KCNH7: variants seen among roughly 807,000 people sequenced by gnomAD.
The protein encoded by KCNH7 is voltage-gated inwardly rectifying potassium channel KCNH7.
A neutral mutation model predicts 120.8 loss-of-function variants in KCNH7; 49 were observed. The observed-to-expected ratio is 0.41, with a 90% CI of 0.32 to 0.51. KCNH7 has a LOEUF of 0.51. KCNH7 is among the 20% of genes least tolerant of loss of function. KCNH7 has a pLI of 0.38. For missense variants in KCNH7, 1,097 were observed against 1,446.6 expected (o/e 0.76, Z 3.92); for synonymous variants, 547 against 516.1 (o/e 1.06, Z -0.81).
intron 2 of KCNH7, among the ~76,000 whole-genome samples, chr2:162,592,435 A>C (rs1339796256): frequency 6.6e-6 from 1 of 152,016 alleles, no homozygotes; most frequent in Non-Finnish European, 1.5e-5. Context: ...GGGCACACTT[A>C]TTTTATGAGG....
At chr2:162,529,525 TG>T (rs1482820593) in intron 3 of KCNH7, among the ~76,000 whole-genome samples, 4 of 151,942 alleles carry the variant, frequency 2.6e-5, no homozygotes, top group African/African-American at 7.2e-5. Flanking sequence ...AGAAGACATA[TG>T]AAATTCAAAT....
chr2:162,759,486 G>T (rs1574351429), intron 2 of KCNH7, among the ~76,000 whole-genome samples: 3 of 152,052 alleles, frequency 2.0e-5, no homozygotes, highest in East Asian at 1.9e-4. Flanking sequence ...ACCCTGTCAA[G>T]GTTTCTCAGC....
chr2:162,403,941 G>C (rs1687134732), intron 9 of KCNH7, among the ~76,000 whole-genome samples: 1 of 151,926 alleles, frequency 6.6e-6, no homozygotes, highest in African/African-American at 2.4e-5. Context: ...ATAAGAGGTA[G>C]GCTTAAGAAG....
At chr2:162,459,812 G>C (rs940897659) in intron 6 of KCNH7, among the ~76,000 whole-genome samples, 1 of 152,066 alleles carries the variant, frequency 6.6e-6, no homozygotes, top group African/African-American at 2.4e-5. Flanking sequence ...GAAATGCAAA[G>C]AGGCCGGGCG....
chr2:162,441,558 C>A (rs1445922788), intron 7 of KCNH7, among the ~76,000 whole-genome samples: 2 of 152,036 alleles, frequency 1.3e-5, no homozygotes, highest in African/African-American at 4.8e-5. Context: ...TTGCAAGAAT[C>A]CTAATTTTCT....
At position 162,722,813 on chromosome 2, in the gene KCNH7, C is replaced by CTTTCTTTT. The variant is rs1220971256; in HGVS notation, c.307+113723_307+113724insAAAAGAAA. On this transcript the variant is annotated intron_variant, in intron 2 of 15. Coordinates refer to ENST00000332142, the MANE Select transcript of KCNH7 (RefSeq NM_033272.4). ...AATCCTTTTCATTCATTCTTTTTTT[C>CTTTCTTTT]TTTTTTTTTTTTTTTTTTGCTTCTC... Among the ~76,000 whole-genome samples the CTTTCTTTT allele has an allele frequency of 4.3e-4, 37 of 85,108 alleles. 1 individual carries two copies. Among genetic ancestry groups the CTTTCTTTT allele is most frequent in the Middle Eastern group, 7.0e-3 (1 of 142 alleles). The allele number at this position is 85,108 out of a possible 152,430, so 55.8% of individuals were successfully genotyped here.
intron 2 of KCNH7, among the ~76,000 whole-genome samples, chr2:162,800,784 T>C (rs986763384): frequency 1.3e-5 from 2 of 151,956 alleles, no homozygotes; most frequent in Admixed American, 1.3e-4. Context: ...GCCAATGTGC[T>C]AGGCCTTTGA....
intron 2 of KCNH7, among the ~76,000 whole-genome samples, chr2:162,809,773 G>A (rs6753937): frequency 0.036 from 5,542 of 152,020 alleles, 314 homozygotes; most frequent in African/African-American, 0.12. Context: ...CAAATTTTCC[G>A]TATTACTGAT....
intron 5 of KCNH7, among the ~76,000 whole-genome samples, chr2:162,510,458 T>A (rs564042999): frequency 6.6e-6 from 1 of 151,594 alleles, no homozygotes; most frequent in African/African-American, 2.4e-5. Flanking sequence ...TAACACGGAC[T>A]TCCCGAGAAA....
chr2:162,787,674 C>A (rs1238773093), intron 2 of KCNH7, among the ~76,000 whole-genome samples: 3 of 152,216 alleles, frequency 2.0e-5, no homozygotes, highest in Non-Finnish European at 4.4e-5. Flanking sequence ...TGGCCCAGGA[C>A]CAGCCCGGCC....
intron 6 of KCNH7, among the ~76,000 whole-genome samples, chr2:162,457,950 G>A (rs1161361833): frequency 1.3e-5 from 2 of 152,098 alleles, no homozygotes; most frequent in African/African-American, 4.8e-5. Context: ...CAAATTATAA[G>A]ATGGAAAAGC....
At chr2:162,555,619 T>G (rs1177359660) in intron 2 of KCNH7, among the ~76,000 whole-genome samples, 3 of 152,192 alleles carry the variant, frequency 2.0e-5, no homozygotes, top group African/African-American at 7.2e-5. Context: ...AAGCTTAGTA[T>G]TAATGTAGAC....
At chr2:162,469,849 G>GGC (rs1035443377) in intron 6 of KCNH7, among the ~76,000 whole-genome samples, 1 of 152,182 alleles carries the variant, frequency 6.6e-6, no homozygotes, top group Non-Finnish European at 1.5e-5. Flanking sequence ...TGCGATTGCA[G>GGC]GCGCGCGCCG....
chr2:162,830,480 T>C (rs10432458), intron 2 of KCNH7, among the ~76,000 whole-genome samples: 91,270 of 151,970 alleles, frequency 0.6, 28,408 homozygotes, highest in South Asian at 0.84. Flanking sequence ...ATAGATTATA[T>C]TCTCCAAATA....
intron 2 of KCNH7, among the ~76,000 whole-genome samples, chr2:162,777,224 C>A (rs777028973): frequency 3.3e-5 from 5 of 152,086 alleles, no homozygotes; most frequent in Non-Finnish European, 7.4e-5. Context: ...AAAATCCAAG[C>A]ATACTCAAGT....
chr2:162,802,790 A>C (rs1215007764), intron 2 of KCNH7, among the ~76,000 whole-genome samples: 1 of 151,814 alleles, frequency 6.6e-6, no homozygotes, highest in African/African-American at 2.4e-5. Context: ...GAACATCTCA[A>C]TTCAGAAGCC....
chr2:162,583,637 G>A (rs1693944653), intron 2 of KCNH7, among the ~76,000 whole-genome samples: 1 of 152,032 alleles, frequency 6.6e-6, no homozygotes, highest in African/African-American at 2.4e-5. Context: ...ACAAAATTCA[G>A]AATTAATTTC....
chr2:162,578,999 C>G (rs565686664), intron 2 of KCNH7, among the ~76,000 whole-genome samples: 1 of 151,724 alleles, frequency 6.6e-6, no homozygotes, highest in East Asian at 1.9e-4. Context: ...AACGCCTACA[C>G]TTGGACTGAT....
chr2:162,751,861 A>T (rs957104607), intron 2 of KCNH7, among the ~76,000 whole-genome samples: 21 of 152,122 alleles, frequency 1.4e-4, no homozygotes, highest in African/African-American at 5.1e-4. Flanking sequence ...TCATGATATA[A>T]AATATTATCT....
Sources: gnomAD v4.1 joint callset for allele counts (sites outside exome capture counted in the v4.1 genomes callset) on GRCh38, gnomAD v4.1.1 for gene constraint, MANE v1.5 for transcripts, NCBI Gene and HGNC (gene_info 2026-07-23, HGNC 2026-07-21) for gene names.